Variants in ZNF385B observed in about 807,000 individuals in gnomAD.
The protein encoded by ZNF385B is zinc finger protein 533.
In ZNF385B, 23 loss-of-function variants were observed where a neutral mutation model predicts 39.2. The ratio of observed to expected loss-of-function variants is 0.59; its 90% CI spans 0.42 to 0.83. The LOEUF (loss-of-function observed/expected upper bound fraction) is 0.83, where lower values mean the gene tolerates loss of function less well. ZNF385B is among the 40% of genes least tolerant of loss of function. The pLI, the probability that ZNF385B is intolerant of heterozygous loss-of-function variation, is 0.00. For missense variants in ZNF385B, 552 were observed against 598.9 expected (o/e 0.92, Z 0.82); for synonymous variants, 205 against 222.6 (o/e 0.92, Z 0.70).
chr2:179,773,991 G>A (rs1417442539), intron 1 of ZNF385B, among the ~76,000 whole-genome samples: 2 of 152,072 alleles, frequency 1.3e-5, no homozygotes, highest in African/African-American at 4.8e-5. Flanking sequence ...GATGGGAGGT[G>A]AGTGTGATGT....
intron 3 of ZNF385B, among the ~76,000 whole-genome samples, chr2:179,575,777 T>C (rs1685741581): frequency 6.7e-6 from 1 of 148,414 alleles, no homozygotes; most frequent in African/African-American, 2.5e-5. Flanking sequence ...GTTTTGGTAT[T>C]CTTAAAAGAC....
intron 3 of ZNF385B, among the ~76,000 whole-genome samples, chr2:179,568,682 G>A (rs528988853): frequency 5.9e-5 from 9 of 152,160 alleles, no homozygotes; most frequent in Non-Finnish European, 1.2e-4. Context: ...GGGTGTGTGT[G>A]AGAAATGGTA....
chr2:179,586,931 C>T (rs909133868), intron 3 of ZNF385B, among the ~76,000 whole-genome samples: 15 of 151,956 alleles, frequency 9.9e-5, no homozygotes, highest in Non-Finnish European at 1.9e-4. Context: ...CCCAGCTACT[C>T]AGGAGGCTGA....
chr2:179,827,052 T>C (rs1342101515), intron 1 of ZNF385B, among the ~76,000 whole-genome samples: 2 of 152,190 alleles, frequency 1.3e-5, no homozygotes, highest in African/African-American at 2.4e-5. Flanking sequence ...CAGTACACTA[T>C]AAGAGACTGA....
At chr2:179,840,975 C>T (rs1346674199) in intron 1 of ZNF385B, among the ~76,000 whole-genome samples, 1 of 152,172 alleles carries the variant, frequency 6.6e-6, no homozygotes, top group Non-Finnish European at 1.5e-5. Context: ...AGAGAAGTTC[C>T]CTCTTTTCAT....
intron 5 of ZNF385B, among the ~76,000 whole-genome samples, chr2:179,483,944 A>T (rs2054284570): frequency 1.3e-5 from 2 of 152,184 alleles, no homozygotes; most frequent in African/African-American, 4.8e-5. Flanking sequence ...ATGACACTGA[A>T]TTTTTTGGTA....
intron 3 of ZNF385B, chr2:179,637,195 T>G (rs1280003695): frequency 6.6e-6 from 1 of 152,162 alleles, no homozygotes; most frequent in East Asian, 1.9e-4. Flanking sequence ...TTATTAGATA[T>G]AATACAGACT....
intron 3 of ZNF385B, among the ~76,000 whole-genome samples, chr2:179,677,708 TG>T (rs1404791656): frequency 6.6e-6 from 1 of 152,190 alleles, no homozygotes; most frequent in East Asian, 1.9e-4. Context: ...AAGATGAGGA[TG>T]GTGCCTCATG....
intron 3 of ZNF385B, among the ~76,000 whole-genome samples, chr2:179,675,073 C>A (rs776958934): frequency 5.3e-5 from 8 of 152,176 alleles, no homozygotes; most frequent in Non-Finnish European, 1.0e-4. Context: ...TCCCAAAAAT[C>A]TAACTGCTAA....
chr2:179,778,763 T>G (rs1704492911), intron 1 of ZNF385B, among the ~76,000 whole-genome samples: 1 of 152,182 alleles, frequency 6.6e-6, no homozygotes, highest in South Asian at 2.1e-4. Context: ...ATTCTAGAAA[T>G]TTTGGAAAAT....
intron 1 of ZNF385B, among the ~76,000 whole-genome samples, chr2:179,855,610 G>A (rs1040308011): frequency 2.0e-5 from 3 of 152,106 alleles, no homozygotes; most frequent in African/African-American, 7.2e-5. Context: ...TTTTTTCACT[G>A]ACTTCTAAAA....
intron 5 of ZNF385B, among the ~76,000 whole-genome samples, chr2:179,493,784 C>CATATGTGTATATACAT (rs1559338484): frequency 3.4e-5 from 3 of 88,512 alleles, no homozygotes; most frequent in Admixed American, 2.2e-4. Context: ...TGTATATACA[C>CATATGTGTATATACAT]ATATGTATAC....
chr2:179,584,037 T>G, intron 3 of ZNF385B: 1 of 917,342 alleles, frequency 1.1e-6, no homozygotes, highest in South Asian at 1.4e-5. Flanking sequence ...GAAGAAGACA[T>G]AGTCCCTGTT....
chr2:179,712,304 C>T (rs1700056818), intron 3 of ZNF385B, among the ~76,000 whole-genome samples: 1 of 152,204 alleles, frequency 6.6e-6, no homozygotes, highest in East Asian at 1.9e-4. Flanking sequence ...TTCAATACTC[C>T]CTGGTAGCAA....
chr2:179,810,762 T>G (rs1706683265), intron 1 of ZNF385B, among the ~76,000 whole-genome samples: 1 of 152,146 alleles, frequency 6.6e-6, no homozygotes. Flanking sequence ...GATGGTGGAA[T>G]AGAGGCTTTT....
chr2:179,534,939 A>G (rs777766096), intron 4 of ZNF385B, among the ~76,000 whole-genome samples: 1 of 152,194 alleles, frequency 6.6e-6, no homozygotes, highest in Non-Finnish European at 1.5e-5. Flanking sequence ...TGCTTCAAAA[A>G]TGTGCCATGT....
At chr2:179,700,095 C>A (rs115893366) in intron 3 of ZNF385B, among the ~76,000 whole-genome samples, 20 of 148,170 alleles carry the variant, frequency 1.3e-4, no homozygotes, top group East Asian at 4.0e-4. Context: ...CAGATCTTGC[C>A]AAAAAAAAAA....
At chr2:179,728,122 T>C (rs1362905494) in intron 3 of ZNF385B, among the ~76,000 whole-genome samples, 1 of 152,094 alleles carries the variant, frequency 6.6e-6, no homozygotes, top group Non-Finnish European at 1.5e-5. Context: ...GAGAAAGTTG[T>C]CTGAATAAAA....
At chr2:179,557,133 T>C (rs1402479144) in intron 3 of ZNF385B, among the ~76,000 whole-genome samples, 1 of 149,282 alleles carries the variant, frequency 6.7e-6, no homozygotes. Flanking sequence ...TAATCTACCA[T>C]GGTACCTGAC....
Sources: gnomAD v4.1 joint callset for allele counts (sites outside exome capture counted in the v4.1 genomes callset) on GRCh38, gnomAD v4.1.1 for gene constraint, MANE v1.5 for transcripts, NCBI Gene and HGNC (gene_info 2026-07-23, HGNC 2026-07-21) for gene names.